Variants in BPTF observed in about 807,000 individuals in gnomAD.
BPTF encodes bromodomain PHD finger transcription factor.
A neutral mutation model predicts 292.5 loss-of-function variants in BPTF; 18 were observed. That is an observed-to-expected ratio of 0.06 (90% CI 0.04 to 0.09). BPTF has a LOEUF of 0.09. Among genes scored for constraint, BPTF ranks in the 10% least tolerant of loss-of-function variants. BPTF has a pLI of 1.00. For missense variants in BPTF, 2,726 were observed against 3,498.7 expected (o/e 0.78, Z 5.57); for synonymous variants, 1,225 against 1,251.9 (o/e 0.98, Z 0.45).
At chr17:67,964,458 G>T in intron 25 of BPTF, 54 bp downstream of exon 25, 1 of 1,530,686 alleles carries the variant, frequency 6.5e-7, no homozygotes, top group Non-Finnish European at 8.9e-7. Flanking sequence ...GCATAATTTT[G>T]GAAGCATTTC....
At chr17:67,921,011 A>G (rs979177752) in intron 13 of BPTF, among the ~76,000 whole-genome samples, 3 of 151,840 alleles carry the variant, frequency 2.0e-5, no homozygotes, top group Non-Finnish European at 2.9e-5. Context: ...GTTCGAGCCC[A>G]GCCTAGACAA....
chr17:67,965,169 A>ATC (rs1166863931), intron 25 of BPTF: 1 of 151,428 alleles, frequency 6.6e-6, no homozygotes, highest in East Asian at 1.9e-4. Context: ...ATGAAACCCC[A>ATC]TCTCTCTACT....
chr17:67,926,594 G>C (rs189121772), intron 15 of BPTF, among the ~76,000 whole-genome samples: 48 of 152,176 alleles, frequency 3.2e-4, no homozygotes, highest in African/African-American at 1.2e-3. Flanking sequence ...AAAGTGCTGG[G>C]ATTACAGGCG....
intron 9 of BPTF, among the ~76,000 whole-genome samples, chr17:67,906,440 C>T (rs887363965): frequency 2.6e-5 from 4 of 152,096 alleles, no homozygotes; most frequent in East Asian, 1.9e-4. Flanking sequence ...TTAGAATCAC[C>T]GAACTCTATA....
rs368881161 is a variant in BPTF at position 67,858,743 on chromosome 17, A to G, written c.1436+3981A>G. On this transcript the variant is annotated intron_variant, in intron 2 of 27. Transcript: ENST00000306378. ...CATAGTCATCAGGATGGCTGGGAAC[A>G]AATTAGGAAGTAAGTGAAATTTAGT... 2.1e-4 allele frequency among the ~76,000 whole-genome samples: 32 copies of G among 152,318 alleles called. 1 individual carries two copies. The South Asian group carries it at 6.6e-3, about 32-fold the overall frequency.
chr17:67,969,411 C>CACTGCACT (rs1313661385), intron 26 of BPTF, among the ~76,000 whole-genome samples: 15 of 145,556 alleles, frequency 1.0e-4, no homozygotes, highest in African/African-American at 3.7e-4. Context: ...AAGATCGCGC[C>CACTGCACT]ACTGCACTCC....
chr17:67,914,390 A>G (rs2062848422), intron 11 of BPTF, among the ~76,000 whole-genome samples: 2 of 152,228 alleles, frequency 1.3e-5, no homozygotes, highest in South Asian at 2.1e-4. Context: ...TACACATTCA[A>G]TAGAGACAGC....
intron 23 of BPTF, among the ~76,000 whole-genome samples, chr17:67,954,286 A>C (rs1413390019): frequency 1.4e-5 from 2 of 138,654 alleles, no homozygotes; most frequent in African/African-American, 2.7e-5. Context: ...TCTTGCCTCG[A>C]CCTCCCAAAG....
chr17:67,838,079 A>T (rs1209318352), intron 1 of BPTF, among the ~76,000 whole-genome samples: 6 of 152,224 alleles, frequency 3.9e-5, no homozygotes, highest in Non-Finnish European at 8.8e-5. Context: ...TTAGGTTACC[A>T]ATTAGTAGAT....
chr17:67,845,810 ATG>A (rs1159054865), intron 1 of BPTF, among the ~76,000 whole-genome samples: 6 of 149,548 alleles, frequency 4.0e-5, no homozygotes, highest in Non-Finnish European at 7.4e-5. Flanking sequence ...ATTTATAACT[ATG>A]TATTTATATA....
At chr17:67,921,153 T>A (rs2063403513) in intron 13 of BPTF, among the ~76,000 whole-genome samples, 1 of 134,420 alleles carries the variant, frequency 7.4e-6, no homozygotes, top group Non-Finnish European at 1.5e-5. Context: ...GAGGTTGCAG[T>A]GAGCTGAGAT....
intron 23 of BPTF, among the ~76,000 whole-genome samples, chr17:67,958,063 G>A (rs1555681821): frequency 6.6e-6 from 1 of 152,238 alleles, no homozygotes; most frequent in East Asian, 1.9e-4. Flanking sequence ...CAGACACAGA[G>A]GCTCACGCCT....
At chr17:67,940,402 G>A in intron 18 of BPTF, 37 bp from the exon 19 acceptor site, 1 of 1,563,292 alleles carries the variant, frequency 6.4e-7, no homozygotes, top group Non-Finnish European at 8.8e-7. Flanking sequence ...AATGCCAAGG[G>A]TGTATAAGCA....
At chr17:67,888,735 T>C (rs2060909854) in intron 4 of BPTF, among the ~76,000 whole-genome samples, 1 of 152,118 alleles carries the variant, frequency 6.6e-6, no homozygotes, top group Non-Finnish European at 1.5e-5. Flanking sequence ...TAAAACTGGA[T>C]GCCATTGTTT....
intron 4 of BPTF, among the ~76,000 whole-genome samples, chr17:67,890,323 C>G (rs114032784): frequency 3.3e-5 from 5 of 152,010 alleles, no homozygotes; most frequent in African/African-American, 7.2e-5. Context: ...CTGATTTTGC[C>G]GTTTCATATT....
Position 67,959,582 on chromosome 17 carries a change from C to T in BPTF, c.7968C>T (p.Asp2656=). ...ACCTGAAAATTAAGAAAGAAAAAGA[C>T]CTGATGCAGTTGGCTCAGGCCACAG... ...KRDLKIKKEK[D]LMQLAQATAV... The change falls in exon 24 of 28, where the codon GAC becomes GAT. Residue 2656 remains aspartate (D), a synonymous_variant. Coordinates refer to ENST00000306378, the MANE Select transcript of BPTF (RefSeq NM_182641.4). 4 of 1,537,584 alleles carry T rather than the reference C, an allele frequency of 2.6e-6. No individual in the cohort carries two copies. The highest frequency in any genetic ancestry group is 3.5e-6 in the Non-Finnish European group (4 of 1,149,314).
chr17:67,917,204 C>A (rs2063094881), intron 11 of BPTF, among the ~76,000 whole-genome samples: 1 of 145,072 alleles, frequency 6.9e-6, no homozygotes, highest in Non-Finnish European at 1.5e-5. Flanking sequence ...GCGATCTCGG[C>A]TCACTGCAAC....
At chr17:67,946,462 T>A (rs2065819877) in intron 21 of BPTF, 137 bp downstream of exon 21, 1 of 1,317,566 alleles carries the variant, frequency 7.6e-7, no homozygotes, top group Non-Finnish European at 1.0e-6. Flanking sequence ...AACACTGAAT[T>A]GACCAAAAAA....
intron 18 of BPTF, 113 bp downstream of exon 18, chr17:67,932,132 A>G (rs1263412188): frequency 1.7e-5 from 14 of 843,318 alleles, no homozygotes; most frequent in Admixed American, 8.7e-5. Flanking sequence ...TAGTACTTCA[A>G]AGCATACTAA....
Sources: gnomAD v4.1 joint callset for allele counts (sites outside exome capture counted in the v4.1 genomes callset) on GRCh38, gnomAD v4.1.1 for gene constraint, MANE v1.5 for transcripts, NCBI Gene and HGNC (gene_info 2026-07-23, HGNC 2026-07-21) for gene names.